Variants in FAM124A observed in about 807,000 individuals in gnomAD.
The protein encoded by FAM124A is family with sequence similarity 124 member A.
FAM124A carries 23 observed loss-of-function variants against 24.5 expected under a neutral mutation model. The observed-to-expected ratio is 0.94, with a 90% CI of 0.68 to 1.33. The LOEUF is 1.33. FAM124A is among the 40% of genes most tolerant of loss of function. FAM124A has a pLI of 0.00. For missense variants in FAM124A, 623 were observed against 722.8 expected, an observed-to-expected ratio of 0.86 and a Z score of 1.58; for synonymous variants, 287 against 314.7, an observed-to-expected ratio of 0.91 and a Z score of 0.93.
At position 51,251,940 on chromosome 13, in the gene FAM124A, G is replaced by A; in HGVS notation, c.573G>A (p.Gln191=). ...DNYADSLRFY[Q]LILRRSPSQK... Reference sequence around the variant, plus strand: ...ATGCTGACAGCCTCAGGTTCTACCAGCTGATTCTCCGGAGGAGCCCCAGCC... The same window carrying A: ...ATGCTGACAGCCTCAGGTTCTACCAACTGATTCTCCGGAGGAGCCCCAGCC... Residue 191 remains glutamine, a synonymous_variant, in exon 3 of 4, where the codon CAG becomes CAA. Coordinates refer to ENST00000322475, the MANE Select transcript of FAM124A (RefSeq NM_001242312.2). This position sits in a 1 kb window ranked among gnomAD's most constrained non-coding sequence, Gnocchi z 5.3. 6.2e-7 allele frequency: 1 copy of A among 1,614,220 alleles called. No homozygotes were observed. Among genetic ancestry groups the A allele is most frequent in the Non-Finnish European group, 8.5e-7 (1 of 1,180,040 alleles).
intron 3 of FAM124A, 141 bp from the exon 4 acceptor site, chr13:51,280,309 T>G: frequency 1.3e-6 from 1 of 763,622 alleles, no homozygotes; most frequent in African/African-American, 1.8e-5. Context: ...GTCTTTGCTC[T>G]AGAGATTGCA....
In FAM124A at chr13:51,252,156, G is replaced by T. The variant is rs910803588; in HGVS notation, c.789G>T (p.Gly263=). 8.1e-6 allele frequency: 13 copies of T among 1,613,706 alleles called. No homozygotes were observed. The highest frequency in any genetic ancestry group is 1.1e-5 in the Non-Finnish European group (13 of 1,180,046). Residue 263 remains glycine, a synonymous_variant, in exon 3 of 4, where the codon GGG becomes GGT. Transcript: ENST00000322475. Reference sequence around the variant, plus strand: ...ACCCTTGCAGCCCCATCAGCGAGGGGCGCTGGCAGACGGAGGACCATGATG... The same window carrying T: ...ACCCTTGCAGCCCCATCAGCGAGGGTCGCTGGCAGACGGAGGACCATGATG... The part of the protein sequence containing the change: ...LPNPCSPISE[G]RWQTEDHDGN...
chr13:51,240,596 G>T (rs566208480), intron 2 of FAM124A, among the ~76,000 whole-genome samples: 109 of 152,256 alleles, frequency 7.2e-4, no homozygotes, highest in African/African-American at 2.3e-3. Context: ...GGAAGTTAGA[G>T]GTCTCTCTAT....
intron 2 of FAM124A, among the ~76,000 whole-genome samples, chr13:51,233,347 G>A (rs923256827): frequency 5.9e-5 from 9 of 152,124 alleles, no homozygotes; most frequent in Non-Finnish European, 1.2e-4. Context: ...AGGGCAGAAA[G>A]TACCTGCCAG....
chr13:51,258,840 T>G lies in FAM124A; in HGVS notation c.834+6639T>G, dbSNP rs1954701744. 2.0e-5 allele frequency among the ~76,000 whole-genome samples: 3 copies of G among 152,050 alleles called. No individual in the cohort carries two copies. Among genetic ancestry groups the G allele is most frequent in the Non-Finnish European group, 4.4e-5 (3 of 68,000 alleles). The stretch of plus-strand genomic sequence containing the variant: ...AATGGCAACCGTTACCACACACAGG[T>G]GGATGGGTTCACGTGGCCGGGGTAG... On this transcript the variant is annotated intron_variant, in intron 3 of 3. Coordinates refer to ENST00000322475, the MANE Select transcript of FAM124A (RefSeq NM_001242312.2). This position sits in a 1 kb window ranked among gnomAD's most constrained non-coding sequence, Gnocchi z 4.2.
intron 2 of FAM124A, among the ~76,000 whole-genome samples, chr13:51,248,389 C>T (rs1333118900): frequency 6.6e-6 from 1 of 152,256 alleles, no homozygotes; most frequent in Admixed American, 6.5e-5. Flanking sequence ...CATGCCTCTT[C>T]TATTTACCCA....
chr13:51,225,895 G>A (rs1035829363), intron 1 of FAM124A, among the ~76,000 whole-genome samples: 2 of 147,862 alleles, frequency 1.4e-5, no homozygotes, highest in Non-Finnish European at 3.0e-5. Context: ...TGAGCAATCA[G>A]TGTGATAGAA....
intron 3 of FAM124A, among the ~76,000 whole-genome samples, chr13:51,267,924 C>T (rs1052863351): frequency 6.6e-6 from 1 of 152,174 alleles, no homozygotes; most frequent in Non-Finnish European, 1.5e-5. Flanking sequence ...CCAGATGTCA[C>T]GAGGCATTGG....
intron 2 of FAM124A, among the ~76,000 whole-genome samples, chr13:51,240,793 C>A (rs979025367): frequency 1.3e-5 from 2 of 152,190 alleles, no homozygotes; most frequent in African/African-American, 4.8e-5. Flanking sequence ...CCGCCCTCAC[C>A]CCCTAACAAG....
chr13:51,242,461 G>T (rs746493948), intron 2 of FAM124A, among the ~76,000 whole-genome samples: 1 of 152,134 alleles, frequency 6.6e-6, no homozygotes, highest in Admixed American at 6.5e-5. Flanking sequence ...ACTTACACAC[G>T]TATGCTAGAT....
chr13:51,249,348 A>G (rs759358119), intron 2 of FAM124A, among the ~76,000 whole-genome samples: 3 of 152,224 alleles, frequency 2.0e-5, no homozygotes, highest in Admixed American at 2.0e-4. Flanking sequence ...GCAGGAAGGA[A>G]AAAGAGGGAA....
intron 2 of FAM124A, among the ~76,000 whole-genome samples, chr13:51,235,666 TTCC>T (rs1331630209): frequency 6.6e-6 from 1 of 152,250 alleles, no homozygotes; most frequent in African/African-American, 2.4e-5. Context: ...TCTAAAACTG[TTCC>T]TCCTCAAAAC....
intron 3 of FAM124A, among the ~76,000 whole-genome samples, chr13:51,268,257 T>G (rs1365233809): frequency 6.6e-6 from 1 of 152,204 alleles, no homozygotes; most frequent in Non-Finnish European, 1.5e-5. Context: ...CAAATTCAGT[T>G]CTGACATCTT....
chr13:51,252,310 C>A, intron 3 of FAM124A, 109 bp downstream of exon 3: 1 of 1,415,734 alleles, frequency 7.1e-7, no homozygotes, highest in Non-Finnish European at 9.4e-7. Context: ...AAGGAGAGAT[C>A]AGTGACCCTC....
intron 2 of FAM124A, among the ~76,000 whole-genome samples, chr13:51,250,824 G>A (rs1258131852): frequency 5.9e-5 from 9 of 152,150 alleles, no homozygotes; most frequent in African/African-American, 2.2e-4. Context: ...CCACAATAGG[G>A]GACACTGTGG....
At chr13:51,264,131 A>G (rs1954762546) in intron 3 of FAM124A, among the ~76,000 whole-genome samples, 1 of 152,242 alleles carries the variant, frequency 6.6e-6, no homozygotes, top group African/African-American at 2.4e-5. Flanking sequence ...ACTCTAGGCC[A>G]GTGGTGCTGT....
intron 3 of FAM124A, chr13:51,252,425 C>T (rs1954635245): frequency 3.2e-6 from 2 of 619,306 alleles, no homozygotes; most frequent in Non-Finnish European, 5.4e-6. Context: ...TTTCAGCAAA[C>T]ATGTTCCCAA....
At chr13:51,244,373 G>GT (rs1405466533) in intron 2 of FAM124A, among the ~76,000 whole-genome samples, 2 of 152,168 alleles carry the variant, frequency 1.3e-5, no homozygotes, top group African/African-American at 4.8e-5. Flanking sequence ...ATTCACCACT[G>GT]TATCCTCTAG....
At chr13:51,260,527 C>T (rs374233122) in intron 3 of FAM124A, among the ~76,000 whole-genome samples, 2 of 152,348 alleles carry the variant, frequency 1.3e-5, no homozygotes, top group African/African-American at 2.4e-5. Context: ...ATAGGTTCCA[C>T]GCTTTGGGCT....
Sources: gnomAD v4.1 joint callset for allele counts (sites outside exome capture counted in the v4.1 genomes callset) on GRCh38, gnomAD v4.1.1 for gene constraint, Gnocchi (gnomAD v3.1) non-coding constraint, MANE v1.5 for transcripts, NCBI Gene and HGNC (gene_info 2026-07-23, HGNC 2026-07-21) for gene names.